MMEL1: variants seen among roughly 807,000 people sequenced by gnomAD.
The protein encoded by MMEL1 is membrane metalloendopeptidase like 1.
In MMEL1, 98 loss-of-function variants were observed where a neutral mutation model predicts 117.1. That is an observed-to-expected ratio of 0.84 (90% CI 0.71 to 0.99). The LOEUF (loss-of-function observed/expected upper bound fraction) is 0.99. Among genes scored for constraint, MMEL1 ranks in the 50% least tolerant of loss-of-function variants. MMEL1 has a pLI of 0.00. For synonymous variants in MMEL1, 390 were observed against 415.1 expected, an observed-to-expected ratio of 0.94 and a Z score of 0.74; for missense variants, 1,014 against 1,049.1, an observed-to-expected ratio of 0.97 and a Z score of 0.46.
chr1:2,620,448 A>G (rs1447388810), intron 2 of MMEL1, among the ~76,000 whole-genome samples: 1 of 152,220 alleles, frequency 6.6e-6, no homozygotes, highest in Non-Finnish European at 1.5e-5. Flanking sequence ...ATCACAAGCA[A>G]GGTCTCAAAT....
chr1:2,594,873 C>G lies in MMEL1; in HGVS notation c.1605G>C (p.Leu535=). 6.2e-7 allele frequency: 1 copy of G among 1,613,958 alleles called. No homozygotes were observed. The highest frequency in any genetic ancestry group is 1.1e-5 in the South Asian group (1 of 91,084). The change falls in exon 17 of 24, where the codon CTG becomes CTC. Residue 535 remains leucine (L), a synonymous_variant. Coordinates refer to ENST00000378412, the MANE Select transcript of MMEL1 (RefSeq NM_033467.4). ...EYSNLNFSED[L]YFENSLQNLK... is the part of the protein sequence containing the mutation. ...GGTTCTGCAGACTGTTCTCAAAGTACAGGTCCTCTGAGAAGTTCAGCTACG... is the reference window on the plus strand; with the variant it reads ...GGTTCTGCAGACTGTTCTCAAAGTAGAGGTCCTCTGAGAAGTTCAGCTACG...
chr1:2,609,475 C>A, intron 5 of MMEL1, 56 bp from the exon 6 acceptor site: 1 of 1,565,086 alleles, frequency 6.4e-7, no homozygotes. Flanking sequence ...GGGGCCAGGT[C>A]ACAGGTCCCT....
intron 2 of MMEL1, among the ~76,000 whole-genome samples, chr1:2,625,510 T>C (rs1021860108): frequency 2.6e-5 from 4 of 152,224 alleles, no homozygotes; most frequent in African/African-American, 9.6e-5. Context: ...GGGATGCTGT[T>C]TGGAGCCTTT....
chr1:2,614,852 C>T (rs114551988), intron 2 of MMEL1, among the ~76,000 whole-genome samples: 2,444 of 151,042 alleles, frequency 0.016, 46 homozygotes, highest in African/African-American at 0.041. Context: ...AGGAAACATA[C>T]GAGATGAGCT....
Position 2,591,625 on chromosome 1 carries a change from G to T in MMEL1, c.2172C>A (p.Cys724Ter), listed in dbSNP as rs755861481. ...TGGCGAACTCGGGCCGGTAGGACCCGCACCACACCTGTGGGCATGTTGGGG... is the reference window on the plus strand; with the variant it reads ...TGGCGAACTCGGGCCGGTAGGACCCTCACCACACCTGTGGGCATGTTGGGG... The part of the protein sequence containing the change: ...LFFINYAQVW[C>*]GSYRPEFAIQ... Residue 724 changes from cysteine to a stop codon, truncating the protein, a stop_gained, in exon 23 of 24, where the codon TGC (cysteine) becomes TGA (stop). Transcript: ENST00000378412. LOFTEE classifies it high-confidence loss of function. The T allele has an allele frequency of 6.8e-7, 1 of 1,477,394 alleles. No individual in the cohort carries two copies. Among genetic ancestry groups the T allele is most frequent in the Admixed American group, 1.8e-5 (1 of 55,592 alleles). 91.5% of individuals were successfully genotyped at this position (1,477,394 alleles called of 1,614,324 possible).
Position 2,629,389 on chromosome 1 carries a change from C to A in MMEL1, c.96G>T (p.Leu32=). The A allele has an allele frequency of 6.5e-7, 1 of 1,546,094 alleles. No individual in the cohort carries two copies. The stretch of plus-strand genomic sequence containing the variant: ...CCAGGGCAGCGGTCACCAGCAGCAG[C>A]AGCAGCAGCAGCCCCCCCTCCAGGA... The part of the protein sequence containing the change: ...PGFLEGGLLL[L]LLLVTAALVA... Residue 32 remains leucine, a synonymous_variant, in exon 2 of 24, where the codon CTG becomes CTT. Transcript: ENST00000378412.
chr1:2,593,849 A>ATCACCATC lies in MMEL1; in HGVS notation c.1824_1831dup (p.Ile611ArgfsTer3). 2 of 1,612,136 alleles carry ATCACCATC rather than the reference A, an allele frequency of 1.2e-6. No individual in the cohort carries two copies. Among genetic ancestry groups the ATCACCATC allele is most frequent in the Non-Finnish European group, 1.7e-6 (2 of 1,178,990 alleles). On this transcript the variant is annotated stop_gained and frameshift_variant, in exon 19 of 24. Transcript: ENST00000378412. LOFTEE classifies it high-confidence loss of function. Reference sequence around the variant, plus strand: ...AAAGCCGTGCGTGATCTCGTGCCCGATCACCATCCCAATGCCTCCAAAGTT... The same window carrying ATCACCATC: ...AAAGCCGTGCGTGATCTCGTGCCCGATCACCATCTCACCATCCCAATGCCTCCAAAGTT...
intron 2 of MMEL1, among the ~76,000 whole-genome samples, chr1:2,616,997 G>A (rs1456741929): frequency 1.3e-5 from 2 of 152,174 alleles, no homozygotes; most frequent in African/African-American, 2.4e-5. Context: ...AGCTAGGCAT[G>A]TTTTTTCCGT....
intron 6 of MMEL1, among the ~76,000 whole-genome samples, chr1:2,607,305 A>G (rs1645045163): frequency 6.6e-6 from 1 of 152,186 alleles, no homozygotes; most frequent in African/African-American, 2.4e-5. Context: ...CGGGCGTGAA[A>G]GGAGACCTGG....
In MMEL1 at chr1:2,592,866, GC is replaced by G. The variant is rs766753125; in HGVS notation, c.1967del (p.Gly656AlafsTer13). 15 of 1,613,664 alleles carry G rather than the reference GC, an allele frequency of 9.3e-6. No homozygotes were observed. Among genetic ancestry groups the G allele is most frequent in the Non-Finnish European group, 1.3e-5 (15 of 1,179,974 alleles). Reference protein sequence around the residue: ...EQSECMIYQYGNYSWDLADEQ... With the variant: ...EQSECMIYQYXNYSWDLADEQ... ...CGTCTGCCAGGTCCCAGGAGTAGTT[GC>G]CGTACTGGTAGATCATGCACTCTGA... On this transcript the variant is annotated frameshift_variant, in exon 20 of 24. Transcript: ENST00000378412. LOFTEE classifies it high-confidence loss of function.
intron 2 of MMEL1, among the ~76,000 whole-genome samples, chr1:2,622,861 G>A (rs1645310264): frequency 1.4e-5 from 2 of 140,748 alleles, no homozygotes; most frequent in South Asian, 4.8e-4. Context: ...TCCAGCCTGG[G>A]TGAAAGAGTG....
chr1:2,592,062 G>A, intron 21 of MMEL1, 35 bp from the exon 22 acceptor site: 3 of 1,566,498 alleles, frequency 1.9e-6, no homozygotes, highest in South Asian at 1.1e-5. Context: ...GCTCAGGCCT[G>A]CCAGCCTGGA....
intron 2 of MMEL1, among the ~76,000 whole-genome samples, chr1:2,613,173 C>T (rs151138901): frequency 3.9e-4 from 60 of 152,352 alleles, no homozygotes; most frequent in African/African-American, 1.4e-3. Flanking sequence ...AGGAGCCCCC[C>T]GCCCGGTGGA....
Position 2,592,901 on chromosome 1 carries a change from G to A in MMEL1, c.1933C>T (p.Arg645Trp), listed in dbSNP as rs1179085007. 3.7e-6 allele frequency: 6 copies of A among 1,613,790 alleles called. No homozygotes were observed. Among genetic ancestry groups the A allele is most frequent in the South Asian group, 1.1e-5 (1 of 91,078 alleles). The change falls in exon 20 of 24, where the codon CGG becomes TGG. Residue 645 changes from arginine to tryptophan, a missense_variant. By Grantham distance (101) the Arg-to-Trp change is moderately radical (BLOSUM62 -3). Coordinates refer to ENST00000378412, the MANE Select transcript of MMEL1 (RefSeq NM_033467.4). Reference protein sequence around the residue: ...WWSNFSTQHFREQSECMIYQY... With the variant: ...WWSNFSTQHFWEQSECMIYQY... Reference sequence around the variant, plus strand: ...TAGATCATGCACTCTGACTGCTCCCGGAAGTGCTGGGTGGAGAAGTTACTC... The same window carrying A: ...TAGATCATGCACTCTGACTGCTCCCAGAAGTGCTGGGTGGAGAAGTTACTC...
Position 2,590,929 on chromosome 1 carries a change from T to TGGG in MMEL1, c.*60_*61insCCC. 7.5e-7 allele frequency: 1 copy of TGGG among 1,332,824 alleles called. No homozygotes were observed. The highest frequency in any genetic ancestry group is 9.9e-7 in the Non-Finnish European group (1 of 1,010,860). 82.6% of individuals were successfully genotyped at this position (1,332,824 alleles called of 1,614,324 possible). A position where few individuals can be genotyped will look rare whatever the true frequency, so the allele number is the denominator to read the frequency against. ...ACACTGGGTCGCCGCTAGCTGCACC[T>TGGG]TCGCACAGATGCCTCCGAGCAGCGG... On this transcript the variant is annotated 3_prime_UTR_variant, in exon 24 of 24. Transcript: ENST00000378412.
intron 2 of MMEL1, among the ~76,000 whole-genome samples, chr1:2,620,995 C>T (rs1341740534): frequency 6.6e-6 from 1 of 152,140 alleles, no homozygotes; most frequent in Non-Finnish European, 1.5e-5. Flanking sequence ...CACCTTAAAA[C>T]AGAGACATGC....
At position 2,613,476 on chromosome 1, in the gene MMEL1, G is replaced by C. The variant is rs1010218581; in HGVS notation, c.155-1272C>G. 4.6e-5 allele frequency among the ~76,000 whole-genome samples: 7 copies of C among 152,162 alleles called. No homozygotes were observed. In the South Asian group the frequency reaches 1.5e-3, roughly 32 times the overall value. On this transcript the variant is annotated intron_variant, in intron 2 of 23. Transcript: ENST00000378412. ...GGCAAGGGCTTTCTGCTTCTGATTA[G>C]GATGCAGAAAGTTGAAATTGACTGT... is the stretch of plus-strand genomic sequence containing the variant.
intron 2 of MMEL1, among the ~76,000 whole-genome samples, chr1:2,621,946 C>T (rs2100961668): frequency 1.3e-5 from 2 of 152,282 alleles, no homozygotes; most frequent in East Asian, 3.9e-4. Flanking sequence ...GGGCACACGT[C>T]CTCAGGACCT....
chr1:2,592,758 T>C, intron 20 of MMEL1, 38 bp from the exon 21 acceptor site: 1 of 1,610,162 alleles, frequency 6.2e-7, no homozygotes, highest in South Asian at 1.1e-5. Flanking sequence ...GCCCCGGCCC[T>C]GACTTCCCTC....
Sources: gnomAD v4.1 joint callset for allele counts (sites outside exome capture counted in the v4.1 genomes callset) on GRCh38, gnomAD v4.1.1 for gene constraint, MANE v1.5 for transcripts, NCBI Gene and HGNC (gene_info 2026-07-23, HGNC 2026-07-21) for gene names.